The following DLG2 variants were observed in gnomAD, a reference collection of about 807,000 sequenced individuals.
DLG2 encodes the protein disks large homolog 2.
A neutral mutation model predicts 132.5 loss-of-function variants in DLG2; 45 were observed. The observed-to-expected ratio is 0.34, with a 90% CI of 0.27 to 0.44. The LOEUF (loss-of-function observed/expected upper bound fraction) is 0.44. DLG2 is among the 20% of genes least tolerant of loss of function. DLG2 has a pLI of 1.00. For missense variants in DLG2, 1,045 were observed against 1,196.9 expected, an observed-to-expected ratio of 0.87 and a Z score of 1.87; for synonymous variants, 424 against 419.6, an observed-to-expected ratio of 1.01 and a Z score of -0.13.
intron 15 of DLG2, among the ~76,000 whole-genome samples, chr11:83,893,441 C>G (rs2070597981): frequency 6.6e-6 from 1 of 152,172 alleles, no homozygotes; most frequent in Admixed American, 6.5e-5. Flanking sequence ...CTTCCTGCCT[C>G]TCAGATATTT....
chr11:85,467,690 T>A (rs879467992), intron 3 of DLG2, among the ~76,000 whole-genome samples: 12 of 152,210 alleles, frequency 7.9e-5, no homozygotes, highest in Non-Finnish European at 1.5e-4. Context: ...AGCTTTTTGA[T>A]GTGCCCCTGA....
chr11:84,244,852 C>T (rs778770169), intron 8 of DLG2, among the ~76,000 whole-genome samples: 11 of 152,182 alleles, frequency 7.2e-5, no homozygotes, highest in Non-Finnish European at 1.2e-4. Context: ...TTCAAAGGAA[C>T]ACACATATTT....
intron 6 of DLG2, among the ~76,000 whole-genome samples, chr11:84,939,509 C>T (rs2049135306): frequency 6.6e-6 from 1 of 152,076 alleles, no homozygotes; most frequent in Admixed American, 6.5e-5. Context: ...TTTTATCTAA[C>T]TATATTTTTG....
intron 3 of DLG2, among the ~76,000 whole-genome samples, chr11:85,397,925 G>A (rs1205420727): frequency 3.3e-5 from 5 of 152,122 alleles, no homozygotes; most frequent in Non-Finnish European, 1.5e-5. Context: ...GGACCAAGCG[G>A]ACCTAATAGA....
intron 7 of DLG2, among the ~76,000 whole-genome samples, chr11:84,378,577 C>T (rs2098738076): frequency 6.6e-6 from 1 of 151,922 alleles, no homozygotes; most frequent in Admixed American, 6.6e-5. Context: ...GTAATCACAA[C>T]TTGGCCCTTT....
At chr11:84,325,034 CT>C (rs944123757) in intron 7 of DLG2, among the ~76,000 whole-genome samples, 51 of 152,184 alleles carry the variant, frequency 3.4e-4, no homozygotes, top group African/African-American at 1.1e-3. Flanking sequence ...CCTACTCTGG[CT>C]GTTACTTCCA....
chr11:83,928,256 T>C (rs375464116), intron 15 of DLG2, among the ~76,000 whole-genome samples: 3 of 151,800 alleles, frequency 2.0e-5, no homozygotes, highest in African/African-American at 4.8e-5. Context: ...GGTGTGTAAT[T>C]TGAAAAAAAA....
intron 11 of DLG2, among the ~76,000 whole-genome samples, chr11:84,029,202 A>G (rs2095623645): frequency 6.6e-6 from 1 of 152,102 alleles, no homozygotes; most frequent in East Asian, 1.9e-4. Flanking sequence ...GGAATTGTGG[A>G]GTCTGCCAGA....
intron 6 of DLG2, among the ~76,000 whole-genome samples, chr11:84,771,379 A>T (rs1056079815): frequency 5.3e-5 from 8 of 151,888 alleles, no homozygotes; most frequent in Non-Finnish European, 7.4e-5. Flanking sequence ...AATGATACTG[A>T]GCTTTTTTTC....
chr11:83,890,017 G>A (rs1317580782), intron 15 of DLG2, among the ~76,000 whole-genome samples: 1 of 151,526 alleles, frequency 6.6e-6, no homozygotes, highest in Non-Finnish European at 1.5e-5. Flanking sequence ...GCTAACTGAC[G>A]AGTTAATGTG....
intron 4 of DLG2, among the ~76,000 whole-genome samples, chr11:85,283,169 A>C (rs1228493962): frequency 1.3e-5 from 2 of 151,952 alleles, no homozygotes; most frequent in Non-Finnish European, 2.9e-5. Context: ...ATAATCTTAC[A>C]ACAAACCCCT....
chr11:84,948,254 T>C (rs2050476207), intron 6 of DLG2, among the ~76,000 whole-genome samples: 1 of 152,238 alleles, frequency 6.6e-6, no homozygotes, highest in Admixed American at 6.5e-5. Context: ...TTTTCCTTTT[T>C]CTCTCTCTGT....
chr11:84,157,178 T>C (rs374811097), intron 9 of DLG2, among the ~76,000 whole-genome samples: 29 of 151,796 alleles, frequency 1.9e-4, no homozygotes, highest in African/African-American at 7.0e-4. Flanking sequence ...ATTTTGGTAA[T>C]AGATACATTT....
chr11:84,849,170 C>G lies in DLG2; in HGVS notation c.357+262491G>C, dbSNP rs998244996. Among the ~76,000 whole-genome samples, 8 of 152,260 alleles carry G rather than the reference C, an allele frequency of 5.3e-5. 1 individual carries two copies. The highest frequency in any genetic ancestry group is 3.3e-4 in the Admixed American group (5 of 15,280). On this transcript the variant is annotated intron_variant, in intron 6 of 27. Coordinates refer to ENST00000376104, the MANE Select transcript of DLG2 (RefSeq NM_001142699.3). ...TCCAGCTTCTGAACCAACAGTCAAACAGCGTAAGAGACTCAAAATTAGACT... is the reference window on the plus strand; with the variant it reads ...TCCAGCTTCTGAACCAACAGTCAAAGAGCGTAAGAGACTCAAAATTAGACT...
chr11:83,522,778 T>C (rs2095513595), intron 21 of DLG2, among the ~76,000 whole-genome samples: 1 of 148,946 alleles, frequency 6.7e-6, no homozygotes, highest in Non-Finnish European at 1.5e-5. Flanking sequence ...TCAGAAAAGT[T>C]AAGAATAGGA....
intron 18 of DLG2, among the ~76,000 whole-genome samples, chr11:83,718,559 A>C (rs559775385): frequency 6.6e-6 from 1 of 151,262 alleles, no homozygotes; most frequent in Non-Finnish European, 1.5e-5. Context: ...AAAGAAAGAA[A>C]AAAAGAAATA....
chr11:83,952,442 C>T (rs1250020102), intron 14 of DLG2, among the ~76,000 whole-genome samples: 1 of 152,036 alleles, frequency 6.6e-6, no homozygotes, highest in Non-Finnish European at 1.5e-5. Context: ...TATAAGACAA[C>T]CAAGTGAGAT....
chr11:84,523,141 A>G (rs2099309604), intron 7 of DLG2, among the ~76,000 whole-genome samples: 1 of 152,194 alleles, frequency 6.6e-6, no homozygotes, highest in South Asian at 2.1e-4. Context: ...CAAAGAGTTA[A>G]CTAATCTTAA....
chr11:84,930,705 T>C (rs2047984587), intron 6 of DLG2, among the ~76,000 whole-genome samples: 1 of 152,168 alleles, frequency 6.6e-6, no homozygotes, highest in Admixed American at 6.6e-5. Flanking sequence ...TTTGCTCCTC[T>C]CAGTGTATGT....
Sources: allele counts gnomAD v4.1 joint callset (sites outside exome capture counted in the v4.1 genomes callset), GRCh38; gene constraint gnomAD v4.1.1; transcripts MANE v1.5; gene names NCBI Gene and HGNC (gene_info 2026-07-23, HGNC 2026-07-21).